PCED1B: variants seen among roughly 807,000 people sequenced by gnomAD.
PCED1B encodes the protein PC-esterase domain containing 1B, also known as PC-esterase domain-containing protein 1B.
For missense variants in PCED1B, 573 were observed against 573.9 expected (o/e 1.00, Z 0.02); for synonymous variants, 251 against 246.1 (o/e 1.02, Z -0.19).
chr12:47,158,716 TC>T (rs1430907102), intron 2 of PCED1B, among the ~76,000 whole-genome samples: 1 of 152,206 alleles, frequency 6.6e-6, no homozygotes, highest in African/African-American at 2.4e-5. Flanking sequence ...ACTGTAATAA[TC>T]AAGTCAGGGT....
At chr12:47,166,865 AG>A (rs1235446920) in intron 2 of PCED1B, among the ~76,000 whole-genome samples, 1 of 152,220 alleles carries the variant, frequency 6.6e-6, no homozygotes, top group East Asian at 1.9e-4. Context: ...CAGATTAACA[AG>A]AGAAAAAAAC....
intron 2 of PCED1B, among the ~76,000 whole-genome samples, chr12:47,107,896 G>A (rs1939026967): frequency 6.6e-6 from 1 of 152,134 alleles, no homozygotes. Flanking sequence ...GATCTTTATT[G>A]CTAATTACAT....
chr12:47,209,781 G>C (rs1353495694), intron 2 of PCED1B: 1 of 152,168 alleles, frequency 6.6e-6, no homozygotes, highest in Non-Finnish European at 1.5e-5. Flanking sequence ...AATTTTATGT[G>C]ATTTAGCAGG....
chr12:47,156,025 T>G (rs557491645), intron 2 of PCED1B, among the ~76,000 whole-genome samples: 1 of 152,346 alleles, frequency 6.6e-6, no homozygotes, highest in Admixed American at 6.5e-5. Context: ...GCATCATTGT[T>G]TATCTTCTGC....
At chr12:47,211,820 A>G (rs1454284247) in intron 2 of PCED1B, among the ~76,000 whole-genome samples, 4 of 151,254 alleles carry the variant, frequency 2.6e-5, no homozygotes, top group Admixed American at 2.0e-4. Context: ...TCACGCCTGT[A>G]ATCCCAGCAC....
At chr12:47,220,068 CAAAAAA>C (rs763940625) in intron 3 of PCED1B, among the ~76,000 whole-genome samples, 3 of 103,740 alleles carry the variant, frequency 2.9e-5, no homozygotes, top group African/African-American at 6.5e-5. Context: ...GACACTGCCT[CAAAAAA>C]AAAAAAAAAA....
At chr12:47,217,471 A>AG (rs1187400063) in intron 3 of PCED1B, among the ~76,000 whole-genome samples, 424 of 22,198 alleles carry the variant, frequency 0.019, 49 homozygotes, top group African/African-American at 0.059. Flanking sequence ...AGAAAGAAAG[A>AG]GAAAGAAAGA....
At chr12:47,089,461 C>CATATAT (rs1217283440) in intron 1 of PCED1B, among the ~76,000 whole-genome samples, 4,659 of 62,892 alleles carry the variant, frequency 0.074, 287 homozygotes, top group South Asian at 0.091. Flanking sequence ...AAAAAAAATA[C>CATATAT]ATATATATAT....
intron 2 of PCED1B, among the ~76,000 whole-genome samples, chr12:47,150,602 G>A (rs1464385772): frequency 2.6e-5 from 4 of 151,512 alleles, no homozygotes; most frequent in African/African-American, 4.8e-5. Context: ...AAATAACTAT[G>A]TAAGATACCT....
intron 2 of PCED1B, among the ~76,000 whole-genome samples, chr12:47,202,030 ATTAG>A (rs1242696553): frequency 6.6e-6 from 1 of 152,230 alleles, no homozygotes; most frequent in Admixed American, 6.5e-5. Flanking sequence ...CAAGTACTAT[ATTAG>A]TTAGTATATT....
At chr12:47,117,831 C>T (rs562881225) in intron 2 of PCED1B, among the ~76,000 whole-genome samples, 2 of 152,250 alleles carry the variant, frequency 1.3e-5, no homozygotes, top group African/African-American at 4.8e-5. Flanking sequence ...AAAAGTGTTC[C>T]TATTTCTCCA....
At chr12:47,108,009 A>G (rs1939032263) in intron 2 of PCED1B, among the ~76,000 whole-genome samples, 1 of 152,210 alleles carries the variant, frequency 6.6e-6, no homozygotes, top group African/African-American at 2.4e-5. Context: ...TTGTTGGAGT[A>G]CAAAATGACA....
rs150698068 is a variant in PCED1B, at chr12:47,166,200, T to A, written c.-525-50022T>A. The stretch of plus-strand genomic sequence containing the variant: ...TGGGAGGGTAAGAGCTTAACTTTGA[T>A]AAGCACTAGTTAACAAACCCAGACG... On this transcript the variant is annotated intron_variant, in intron 2 of 3. Transcript: ENST00000546455. Among the ~76,000 whole-genome samples, 153 of 152,320 alleles carry A rather than the reference T, an allele frequency of 1.0e-3. 1 individual carries two copies. In the East Asian group the frequency reaches 0.027, roughly 27 times the overall value.
chr12:47,186,458 TC>T (rs1182211180), intron 2 of PCED1B, among the ~76,000 whole-genome samples: 1 of 151,714 alleles, frequency 6.6e-6, no homozygotes, highest in Non-Finnish European at 1.5e-5. Flanking sequence ...CTTTATGTTA[TC>T]CCTTTACTGG....
chr12:47,135,263 C>A (rs1940304750), intron 2 of PCED1B, among the ~76,000 whole-genome samples: 1 of 151,928 alleles, frequency 6.6e-6, no homozygotes, highest in African/African-American at 2.4e-5. Context: ...ATTCAAAGTA[C>A]CAGCTAATAT....
At chr12:47,220,086 A>AG (rs1206176470) in intron 3 of PCED1B, among the ~76,000 whole-genome samples, 165 of 141,928 alleles carry the variant, frequency 1.2e-3, no homozygotes, top group Admixed American at 1.5e-3. Context: ...AAAAAAAAAA[A>AG]AAAAGAAGAA....
intron 2 of PCED1B, among the ~76,000 whole-genome samples, chr12:47,140,553 G>A (rs1428558342): frequency 2.6e-5 from 4 of 151,990 alleles, no homozygotes; most frequent in South Asian, 2.1e-4. Context: ...TTCGATCAAC[G>A]GAATGAGATG....
intron 1 of PCED1B, among the ~76,000 whole-genome samples, chr12:47,081,380 G>T (rs1937711097): frequency 1.3e-5 from 2 of 152,216 alleles, no homozygotes; most frequent in Non-Finnish European, 2.9e-5. Context: ...GTGAGTCATT[G>T]CTGTGGTCAG....
intron 2 of PCED1B, among the ~76,000 whole-genome samples, chr12:47,131,010 T>C (rs1236012305): frequency 6.6e-6 from 1 of 152,210 alleles, no homozygotes; most frequent in African/African-American, 2.4e-5. Flanking sequence ...TTTAATATAA[T>C]AATCATATTC....
Sources: allele counts gnomAD v4.1 joint callset (sites outside exome capture counted in the v4.1 genomes callset), GRCh38; gene constraint gnomAD v4.1.1; transcripts MANE v1.5; gene names NCBI Gene and HGNC (gene_info 2026-07-23, HGNC 2026-07-21).